The following NUP85 variants were observed in gnomAD, a reference collection of about 807,000 sequenced individuals.
NUP85 encodes the protein nuclear pore complex protein Nup85.
In NUP85, 23 loss-of-function variants were observed where a neutral mutation model predicts 92.8. That is an observed-to-expected ratio of 0.25 (90% CI 0.18 to 0.35). NUP85 has a LOEUF of 0.35. Among genes scored for constraint, NUP85 ranks in the 10% least tolerant of loss-of-function variants. NUP85 has a pLI of 1.00. For missense variants in NUP85, 759 were observed against 822.8 expected, an observed-to-expected ratio of 0.92 and a Z score of 0.95; for synonymous variants, 314 against 306.9, an observed-to-expected ratio of 1.02 and a Z score of -0.24.
At position 75,231,735 on chromosome 17, in the gene NUP85, G is replaced by A. The variant is rs1598345657; in HGVS notation, c.1245-93G>A. The A allele has an allele frequency of 6.3e-7, 1 of 1,599,840 alleles. No individual in the cohort carries two copies. Among genetic ancestry groups the A allele is most frequent in the Non-Finnish European group, 8.6e-7 (1 of 1,167,782 alleles). ...GTTCTCTCCCAGTTGGCTCCTTGAA[G>A]GCTTCGGAAGGGTCAGTGAAAGGGA... On this transcript the variant is annotated intron_variant, in intron 13 of 18. Coordinates refer to ENST00000245544, the MANE Select transcript of NUP85 (RefSeq NM_024844.5). This position sits in a 1 kb window ranked among gnomAD's most constrained non-coding sequence, Gnocchi z 4.6.
chr17:75,205,745 G>A lies in NUP85; in HGVS notation c.-17G>A, dbSNP rs760740792. On this transcript the variant is annotated 5_prime_UTR_variant, in exon 1 of 19. Transcript: ENST00000245544. Reference sequence around the variant, plus strand: ...ATTGGCGTCCGAGCGACTTCTAGGAGCCTGGGGTTCGGCGCTATGGAGGAG... The same window carrying A: ...ATTGGCGTCCGAGCGACTTCTAGGAACCTGGGGTTCGGCGCTATGGAGGAG... 4.3e-6 allele frequency: 7 copies of A among 1,614,072 alleles called. No homozygotes were observed. Among genetic ancestry groups the A allele is most frequent in the South Asian group, 3.3e-5 (3 of 91,096 alleles).
At chr17:75,212,210 T>C (rs2075285973) in intron 4 of NUP85, 148 bp downstream of exon 4, 1 of 312,546 alleles carries the variant, frequency 3.2e-6, no homozygotes, top group African/African-American at 2.3e-5. Flanking sequence ...ATCCTTACTT[T>C]TTTGGTAATC....
chr17:75,215,490 A>G (rs12453289), intron 5 of NUP85, among the ~76,000 whole-genome samples: 138,719 of 152,168 alleles, frequency 0.91, 64,296 homozygotes, highest in Non-Finnish European at 1. Context: ...GATTACAGGA[A>G]TGAGCCACTG....
At position 75,205,699 on chromosome 17, in the gene NUP85, C is replaced by CG; in HGVS notation, c.-60dup. ...GTCTTGTCTCGCAGCCAGCTCTGAG[C>CG]GGGAGGCCTGAGCGGGAAGCATTGG... On this transcript the variant is annotated 5_prime_UTR_variant, in exon 1 of 19. Transcript: ENST00000245544. The CG allele has an allele frequency of 6.2e-7, 1 of 1,600,970 alleles. No homozygotes were observed. The highest frequency in any genetic ancestry group is 8.6e-7 in the Non-Finnish European group (1 of 1,168,314).
At chr17:75,215,628 A>T in intron 5 of NUP85, 126 bp from the exon 6 acceptor site, 1 of 781,430 alleles carries the variant, frequency 1.3e-6, no homozygotes. Flanking sequence ...ATCCTCCAGT[A>T]GGATTGCAGT....
At position 75,226,167 on chromosome 17, in the gene NUP85, C is replaced by T; in HGVS notation, c.1094+10C>T. On this transcript the variant is annotated intron_variant, in intron 11 of 18. Coordinates refer to ENST00000245544, the MANE Select transcript of NUP85 (RefSeq NM_024844.5). ...TAATCAAAGAGTGCAGGTAGGATCT[C>T]TCCCACCCCCCACTGTAACCATTTT... The T allele has an allele frequency of 6.2e-7, 1 of 1,604,918 alleles. No homozygotes were observed.
intron 7 of NUP85, among the ~76,000 whole-genome samples, chr17:75,220,417 C>T (rs1015964657): frequency 4.6e-5 from 7 of 151,324 alleles, no homozygotes; most frequent in African/African-American, 1.5e-4. Context: ...GCCACCATGC[C>T]TGGCCTTTTT....
At chr17:75,235,062 G>A in intron 17 of NUP85, 38 bp from the exon 18 acceptor site, 1 of 1,552,356 alleles carries the variant, frequency 6.4e-7, no homozygotes, top group Non-Finnish European at 8.9e-7. Flanking sequence ...GCAGGCCAGG[G>A]CTGGGGGCAG....
intron 5 of NUP85, among the ~76,000 whole-genome samples, chr17:75,213,670 A>G (rs534760503): frequency 1.3e-5 from 2 of 152,106 alleles, no homozygotes; most frequent in Admixed American, 1.3e-4. Context: ...TGGAGAAGTA[A>G]TCTTGTGAGA....
rs939555443 is a variant in NUP85 at position 75,216,675 on chromosome 17, A to G, written c.475+852A>G. Among the ~76,000 whole-genome samples the G allele has an allele frequency of 2.7e-4, 41 of 152,082 alleles. No individual in the cohort carries two copies. In the Middle Eastern group the frequency reaches 0.01, roughly 38 times the overall value. ...TTTCTTTTAAGGATTTATGTTTGCT[A>G]TTTTCCATAAATGAGTAGTAACCTC... On this transcript the variant is annotated intron_variant, in intron 6 of 18. Coordinates refer to ENST00000245544, the MANE Select transcript of NUP85 (RefSeq NM_024844.5).
At chr17:75,207,942 AT>A (rs2075136015) in intron 1 of NUP85, among the ~76,000 whole-genome samples, 1 of 152,030 alleles carries the variant, frequency 6.6e-6, no homozygotes, top group South Asian at 2.1e-4. Flanking sequence ...GTGAGTCGAG[AT>A]TGCGTCACTG....
intron 11 of NUP85, among the ~76,000 whole-genome samples, chr17:75,227,478 G>A (rs1425045971): frequency 1.3e-5 from 2 of 151,668 alleles, no homozygotes; most frequent in Non-Finnish European, 2.9e-5. Context: ...TGGGATTACA[G>A]GTGTCCGTCA....
At chr17:75,216,131 A>G (rs142616653) in intron 6 of NUP85, among the ~76,000 whole-genome samples, 1 of 152,260 alleles carries the variant, frequency 6.6e-6, no homozygotes, top group East Asian at 1.9e-4. Flanking sequence ...AGAAAGTTTT[A>G]TGAATGTGGG....
chr17:75,211,486 G>T (rs2075259180), intron 3 of NUP85, among the ~76,000 whole-genome samples: 1 of 149,820 alleles, frequency 6.7e-6, no homozygotes, highest in South Asian at 2.1e-4. Flanking sequence ...GAGTGCAATG[G>T]CATGATCTTG....
intron 3 of NUP85, 118 bp from the exon 4 acceptor site, chr17:75,211,874 T>C (rs1184712116): frequency 1.3e-6 from 1 of 773,804 alleles, no homozygotes; most frequent in Non-Finnish European, 2.2e-6. Flanking sequence ...TAGGAGCTCC[T>C]TCACAACGGC....
chr17:75,234,604 T>C (rs2076251620), intron 16 of NUP85, 33 bp from the exon 17 acceptor site: 1 of 1,610,356 alleles, frequency 6.2e-7, no homozygotes, highest in Admixed American at 1.7e-5. Flanking sequence ...TGGGGGAATA[T>C]GCAGGTTACT....
intron 4 of NUP85, among the ~76,000 whole-genome samples, chr17:75,212,293 G>A (rs533154609): frequency 9.5e-6 from 1 of 105,488 alleles, no homozygotes; most frequent in Admixed American, 1.2e-4. Context: ...TTTTGAGACC[G>A]AGTGTTGCTC....
chr17:75,226,025 TTGAG>T, intron 10 of NUP85, 22 bp from the exon 11 acceptor site: 1 of 1,612,718 alleles, frequency 6.2e-7, no homozygotes, highest in Non-Finnish European at 8.5e-7. Flanking sequence ...GTCCTCAGGA[TTGAG>T]TGTCTCATCA....
At position 75,213,125 on chromosome 17, in the gene NUP85, G is replaced by T. The variant is rs61751840; in HGVS notation, c.405+6G>T. The T allele has an allele frequency of 0.038, 61,396 of 1,612,910 alleles. 1,395 individuals carry two copies. The highest frequency in any genetic ancestry group is 0.044 in the Non-Finnish European group (52,000 of 1,179,454). Reference sequence around the variant, plus strand: ...GCCGCCAGTTCAGCAGCCAGGTAAGGGGAGTCACCTTTATTGTTTTAGCAC... The same window carrying T: ...GCCGCCAGTTCAGCAGCCAGGTAAGTGGAGTCACCTTTATTGTTTTAGCAC... On this transcript the variant is annotated splice_donor_region_variant and intron_variant, in intron 5 of 18. Coordinates refer to ENST00000245544, the MANE Select transcript of NUP85 (RefSeq NM_024844.5).
Sources: gnomAD v4.1 joint callset for allele counts (sites outside exome capture counted in the v4.1 genomes callset) on GRCh38, gnomAD v4.1.1 for gene constraint, Gnocchi (gnomAD v3.1) non-coding constraint, MANE v1.5 for transcripts, NCBI Gene and HGNC (gene_info 2026-07-23, HGNC 2026-07-21) for gene names.